ME3: variants seen among roughly 807,000 people sequenced by gnomAD.
ME3 encodes the protein malic enzyme 3.
A neutral mutation model predicts 68.9 loss-of-function variants in ME3; 48 were observed. That is an observed-to-expected ratio of 0.70 (90% CI 0.55 to 0.89). ME3 has a LOEUF of 0.89. ME3 is among the 40% of genes least tolerant of loss of function. The probability of loss-of-function intolerance (pLI) is 0.00; values close to 1 mark genes in which losing one functional copy is unlikely to be tolerated. For missense variants in ME3, 675 were observed against 797.4 expected (o/e 0.85, Z 1.85); for synonymous variants, 320 against 318.8 (o/e 1.00, Z -0.04).
chr11:86,607,904 G>A (rs1334415197), intron 2 of ME3, among the ~76,000 whole-genome samples: 1 of 152,014 alleles, frequency 6.6e-6, no homozygotes, highest in Non-Finnish European at 1.5e-5. Context: ...ACAGAATGGG[G>A]CCCTGGAATC....
chr11:86,459,666 G>A (rs531646628), intron 8 of ME3, among the ~76,000 whole-genome samples: 3 of 152,306 alleles, frequency 2.0e-5, no homozygotes, highest in African/African-American at 7.2e-5. Context: ...TTACAGATAA[G>A]GAAAGGAAGG....
At chr11:86,505,725 A>G (rs75880417) in intron 5 of ME3, among the ~76,000 whole-genome samples, 2,154 of 152,372 alleles carry the variant, frequency 0.014, 20 homozygotes, top group Non-Finnish European at 0.022. Context: ...CAGAGAGGAT[A>G]TCTGCACACG....
At chr11:86,636,416 C>T (rs1944339193) in intron 2 of ME3, among the ~76,000 whole-genome samples, 1 of 152,162 alleles carries the variant, frequency 6.6e-6, no homozygotes, top group Non-Finnish European at 1.5e-5. Flanking sequence ...GGAGTGAGGT[C>T]ATGGCCAGGA....
At chr11:86,625,588 C>T (rs557353274) in intron 2 of ME3, among the ~76,000 whole-genome samples, 1 of 152,252 alleles carries the variant, frequency 6.6e-6, no homozygotes, top group Admixed American at 6.5e-5. Context: ...TCCATGTATT[C>T]AACCATGCAA....
intron 2 of ME3, among the ~76,000 whole-genome samples, chr11:86,586,138 G>A (rs1958719540): frequency 6.6e-6 from 1 of 152,164 alleles, no homozygotes; most frequent in Non-Finnish European, 1.5e-5. Flanking sequence ...GGTTTAAGGT[G>A]GAGATATTTG....
chr11:86,605,923 A>C (rs1044688068), intron 2 of ME3, among the ~76,000 whole-genome samples: 2 of 151,872 alleles, frequency 1.3e-5, no homozygotes, highest in African/African-American at 4.8e-5. Context: ...CCTACCCCCA[A>C]CCTCACCCCA....
At chr11:86,652,289 T>C (rs1265232314) in intron 2 of ME3, among the ~76,000 whole-genome samples, 3 of 152,016 alleles carry the variant, frequency 2.0e-5, no homozygotes, top group Non-Finnish European at 4.4e-5. Flanking sequence ...AGACACATAA[T>C]TGTCAGATTC....
At chr11:86,467,620 T>C (rs1054034528) in intron 7 of ME3, among the ~76,000 whole-genome samples, 1 of 151,656 alleles carries the variant, frequency 6.6e-6, no homozygotes, top group Non-Finnish European at 1.5e-5. Context: ...AACAATGTGA[T>C]GAACGTTTTC....
intron 5 of ME3, 68 bp from the exon 6 acceptor site, chr11:86,498,192 C>T: frequency 1.3e-6 from 2 of 1,519,872 alleles, no homozygotes; most frequent in East Asian, 4.8e-5. Context: ...ATTTTAGCAG[C>T]CCCAGCCCAT....
At chr11:86,653,695 C>G (rs1405830437) in intron 2 of ME3, among the ~76,000 whole-genome samples, 1 of 152,080 alleles carries the variant, frequency 6.6e-6, no homozygotes, top group African/African-American at 2.4e-5. Context: ...ACTAGAGAAG[C>G]AAGAGCAAAC....
chr11:86,486,708 G>T (rs1951711632), intron 7 of ME3, among the ~76,000 whole-genome samples: 1 of 152,242 alleles, frequency 6.6e-6, no homozygotes, highest in Non-Finnish European at 1.5e-5. Context: ...ATGGGTGTGT[G>T]AGGGCTGTCA....
intron 7 of ME3, among the ~76,000 whole-genome samples, chr11:86,483,273 T>C (rs1310431276): frequency 6.6e-6 from 1 of 152,086 alleles, no homozygotes; most frequent in African/African-American, 2.4e-5. Context: ...GAGTCCCATT[T>C]AGGTTGAAGT....
chr11:86,654,956 GACAA>G (rs1254207796), intron 2 of ME3, among the ~76,000 whole-genome samples: 30 of 152,162 alleles, frequency 2.0e-4, no homozygotes, highest in Admixed American at 9.8e-4. Context: ...ACAAATAACA[GACAA>G]ACAGAGAGCC....
chr11:86,518,243 G>A (rs1259796708), intron 4 of ME3, among the ~76,000 whole-genome samples: 4 of 152,178 alleles, frequency 2.6e-5, no homozygotes, highest in Non-Finnish European at 4.4e-5. Flanking sequence ...CAGAAAGGGA[G>A]AGCTGACCTG....
chr11:86,462,201 T>C (rs1208666893), intron 8 of ME3, among the ~76,000 whole-genome samples: 1 of 152,220 alleles, frequency 6.6e-6, no homozygotes, highest in Non-Finnish European at 1.5e-5. Context: ...GCAGATTTTT[T>C]CAATACATAT....
intron 5 of ME3, among the ~76,000 whole-genome samples, chr11:86,507,653 C>CTAA (rs1953184147): frequency 6.6e-6 from 1 of 152,306 alleles, no homozygotes; most frequent in African/African-American, 2.4e-5. Flanking sequence ...TAGCCAGAGG[C>CTAA]TAATACATTT....
intron 2 of ME3, among the ~76,000 whole-genome samples, chr11:86,576,425 G>A (rs1334219126): frequency 6.6e-6 from 1 of 152,182 alleles, no homozygotes; most frequent in South Asian, 2.1e-4. Flanking sequence ...CCAGCACCCA[G>A]CCTCTCCTGT....
chr11:86,612,277 G>A (rs1201674058), intron 2 of ME3, among the ~76,000 whole-genome samples: 1 of 152,202 alleles, frequency 6.6e-6, no homozygotes, highest in Non-Finnish European at 1.5e-5. Flanking sequence ...ATTCCATAGT[G>A]TGTATGTACC....
At chr11:86,571,201 T>G (rs890845789) in intron 2 of ME3, among the ~76,000 whole-genome samples, 4 of 152,248 alleles carry the variant, frequency 2.6e-5, no homozygotes, top group Non-Finnish European at 5.9e-5. Context: ...GCATATTCCT[T>G]CTGCCTCGCA....
Sources: gnomAD v4.1 joint callset for allele counts (sites outside exome capture counted in the v4.1 genomes callset) on GRCh38, gnomAD v4.1.1 for gene constraint, MANE v1.5 for transcripts, NCBI Gene and HGNC (gene_info 2026-07-23, HGNC 2026-07-21) for gene names.